The following SHISA6 variants were observed in gnomAD, a reference collection of about 807,000 sequenced individuals.
The protein encoded by SHISA6 is protein shisa-6.
Under a neutral mutation model 47.9 loss-of-function variants are expected in SHISA6, and 22 were observed. That is an observed-to-expected ratio of 0.46 (90% CI 0.33 to 0.66). The LOEUF is 0.66. SHISA6 is among the 30% of genes least tolerant of loss of function. SHISA6 has a pLI of 0.02. For synonymous variants in SHISA6, 388 were observed against 337.8 expected (o/e 1.15, Z -1.63); for missense variants, 680 against 764.6 (o/e 0.89, Z 1.30).
chr17:11,431,401 G>T (rs12952685), intron 3 of SHISA6, among the ~76,000 whole-genome samples: 26,173 of 152,088 alleles, frequency 0.17, 2,614 homozygotes, highest in South Asian at 0.36. Context: ...TTGTGTGGCT[G>T]CCTTAGACTT....
chr17:11,360,651 G>A (rs1423880794), intron 2 of SHISA6, among the ~76,000 whole-genome samples: 8 of 151,900 alleles, frequency 5.3e-5, no homozygotes, highest in African/African-American at 1.9e-4. Context: ...GCAAGGGAAG[G>A]GAGAGCATTA....
chr17:11,289,720 A>G (rs2142167665), intron 2 of SHISA6: 1 of 151,890 alleles, frequency 6.6e-6, no homozygotes, highest in South Asian at 2.1e-4. Context: ...GATTCCATTG[A>G]GTTTATTGGC....
chr17:11,440,403 C>T (rs1915062400), intron 3 of SHISA6, among the ~76,000 whole-genome samples: 1 of 151,918 alleles, frequency 6.6e-6, no homozygotes, highest in South Asian at 2.1e-4. Context: ...TCCTCAATTC[C>T]TGCTTTCACC....
rs1016742027 is a variant in SHISA6 at position 11,562,682 on chromosome 17, T to C, written c.*4378T>C. The C allele has an allele frequency of 6.6e-6, 1 of 152,274 alleles. No individual in the cohort carries two copies. Among genetic ancestry groups the C allele is most frequent in the African/African-American group, 2.4e-5 (1 of 41,434 alleles). The allele number at this position is 152,274 out of a possible 1,614,324, so 9.4% of individuals were successfully genotyped here. A position where few individuals can be genotyped will look rare whatever the true frequency, so the allele number is the denominator to read the frequency against. ...CCCACTCAGTGCCTCAGTTTCCCCA[T>C]CTGTAAAATGAGGGGCTTTGACTAG... is the stretch of plus-strand genomic sequence containing the variant. On this transcript the variant is annotated 3_prime_UTR_variant, in exon 6 of 6. Transcript: ENST00000441885.
chr17:11,422,763 C>CA lies in SHISA6; in HGVS notation c.895+43271dup, dbSNP rs36035486. 3.0e-3 allele frequency among the ~76,000 whole-genome samples: 371 copies of CA among 125,414 alleles called. 1 individual carries two copies. Among genetic ancestry groups the CA allele is most frequent in the East Asian group, 0.021 (88 of 4,096 alleles). 82.3% of individuals were successfully genotyped at this position (125,414 alleles called of 152,430 possible). On this transcript the variant is annotated intron_variant, in intron 3 of 5. Coordinates refer to ENST00000441885, the MANE Select transcript of SHISA6 (RefSeq NM_207386.4). ...GGGGTAACAGAGTGAGACTCTGTCT[C>CA]AAAAAAAAAAAAAAAAAGTACATCC...
rs1260795642 is a variant in SHISA6, at chr17:11,496,206, A to C, written c.896-55690A>C. Among the ~76,000 whole-genome samples, 3 of 152,204 alleles carry C rather than the reference A, an allele frequency of 2.0e-5. No homozygotes were observed. The East Asian group carries it at 5.8e-4, about 29-fold the overall frequency. On this transcript the variant is annotated intron_variant, in intron 3 of 5. Transcript: ENST00000441885. ...GGGTGTCCAACCTGGTGAGATTTCC[A>C]GGTCCACAGGAGAGTGTTCATTCTC...
chr17:11,385,367 G>C (rs558545990), intron 3 of SHISA6, among the ~76,000 whole-genome samples: 1 of 152,024 alleles, frequency 6.6e-6, no homozygotes, highest in African/African-American at 2.4e-5. Context: ...GGTGTGGTCA[G>C]AAAGGTGCAG....
intron 2 of SHISA6, among the ~76,000 whole-genome samples, chr17:11,333,662 A>G (rs1019358047): frequency 1.3e-5 from 2 of 152,128 alleles, no homozygotes; most frequent in African/African-American, 4.8e-5. Context: ...TTACAGATGC[A>G]TGCCACCATT....
At chr17:11,553,689 G>A (rs916696392) in intron 4 of SHISA6, among the ~76,000 whole-genome samples, 1 of 152,056 alleles carries the variant, frequency 6.6e-6, no homozygotes, top group Admixed American at 6.6e-5. Flanking sequence ...TCCTTATTCT[G>A]GGCCAAGCAC....
intron 3 of SHISA6, among the ~76,000 whole-genome samples, chr17:11,510,694 T>G (rs560011224): frequency 6.6e-6 from 1 of 152,336 alleles, no homozygotes; most frequent in African/African-American, 2.4e-5. Context: ...TCAAGCCAAG[T>G]TTCACCACTT....
At chr17:11,449,626 G>A (rs1324514108) in intron 3 of SHISA6, among the ~76,000 whole-genome samples, 1 of 152,150 alleles carries the variant, frequency 6.6e-6, no homozygotes, top group Non-Finnish European at 1.5e-5. Context: ...GAAAGAAATA[G>A]TGTCTTGGTG....
chr17:11,377,632 G>A (rs1047504316), intron 2 of SHISA6, among the ~76,000 whole-genome samples: 2 of 152,188 alleles, frequency 1.3e-5, no homozygotes, highest in Admixed American at 1.3e-4. Flanking sequence ...AGGGAATGGA[G>A]CTAGACTCCA....
intron 2 of SHISA6, among the ~76,000 whole-genome samples, chr17:11,353,643 C>G (rs183297117): frequency 1.8e-4 from 27 of 152,062 alleles, no homozygotes; most frequent in Non-Finnish European, 3.8e-4. Flanking sequence ...CAGGTCTGCC[C>G]GTAGCCACAA....
intron 2 of SHISA6, among the ~76,000 whole-genome samples, chr17:11,341,328 C>CTTTTTTTTTT (rs71367322): frequency 1.1e-5 from 1 of 88,826 alleles, no homozygotes; most frequent in Non-Finnish European, 2.1e-5. Context: ...CTCTCTCTCT[C>CTTTTTTTTTT]TTTTTTTTTT....
At chr17:11,487,648 G>A (rs1473933268) in intron 3 of SHISA6, among the ~76,000 whole-genome samples, 1 of 152,196 alleles carries the variant, frequency 6.6e-6, no homozygotes, top group Non-Finnish European at 1.5e-5. Context: ...GTGTACTAAT[G>A]CCCCTGACTC....
At chr17:11,519,785 A>T (rs2071614216) in intron 3 of SHISA6, among the ~76,000 whole-genome samples, 1 of 152,154 alleles carries the variant, frequency 6.6e-6, no homozygotes, top group Admixed American at 6.5e-5. Flanking sequence ...GCTCCAGCTG[A>T]GGTCACCTTG....
At chr17:11,254,224 C>T (rs375790204) in intron 1 of SHISA6, among the ~76,000 whole-genome samples, 12 of 152,278 alleles carry the variant, frequency 7.9e-5, no homozygotes, top group African/African-American at 2.9e-4. Context: ...CAGAGTAATC[C>T]CAACTCTGTC....
chr17:11,443,001 C>T (rs1406338700), intron 3 of SHISA6, among the ~76,000 whole-genome samples: 1 of 152,150 alleles, frequency 6.6e-6, no homozygotes, highest in Non-Finnish European at 1.5e-5. Flanking sequence ...AAAAAGGAAG[C>T]CAAGAACTAG....
intron 3 of SHISA6, among the ~76,000 whole-genome samples, chr17:11,487,017 G>C (rs1221614036): frequency 6.6e-6 from 1 of 152,192 alleles, no homozygotes; most frequent in African/African-American, 2.4e-5. Context: ...GTTGTCCATG[G>C]TCACTTTCAA....
Sources: allele counts gnomAD v4.1 joint callset (sites outside exome capture counted in the v4.1 genomes callset), GRCh38; gene constraint gnomAD v4.1.1; transcripts MANE v1.5; gene names NCBI Gene and HGNC (gene_info 2026-07-23, HGNC 2026-07-21).